ABHD13: variants seen among roughly 807,000 people sequenced by gnomAD.
ABHD13 encodes protein ABHD13.
ABHD13 carries 7 observed loss-of-function variants against 25.2 expected under a neutral mutation model. That is an observed-to-expected ratio of 0.28 (90% CI 0.16 to 0.52). The LOEUF is 0.52. Ranked by LOEUF, ABHD13 falls within the 20% of genes least tolerant of loss-of-function variation. The pLI is 0.96. For synonymous variants in ABHD13, 133 were observed against 136.1 expected (o/e 0.98, Z 0.16); for missense variants, 302 against 402.7 (o/e 0.75, Z 2.14).
rs932374947 is a variant in ABHD13, at chr13:108,232,124, T to C, written c.*1892T>C. On this transcript the variant is annotated 3_prime_UTR_variant, in exon 2 of 2. Coordinates refer to ENST00000375898, the MANE Select transcript of ABHD13 (RefSeq NM_032859.3). Reference sequence around the variant, plus strand: ...TTAAAGTTTACAAAAAAAAACCTTATGTTTTTATGTAATCAGTCATTACAC... The same window carrying C: ...TTAAAGTTTACAAAAAAAAACCTTACGTTTTTATGTAATCAGTCATTACAC... 1 of 166,572 alleles carries C rather than the reference T, an allele frequency of 6.0e-6. No homozygotes were observed. The highest frequency in any genetic ancestry group is 1.5e-5 in the Non-Finnish European group (1 of 68,012). The allele number at this position is 166,572 out of a possible 1,614,324, so 10.3% of individuals were successfully genotyped here.
rs760309101 is a variant in ABHD13, at chr13:108,229,925, G to A, written c.707G>A (p.Arg236His). The change falls in exon 2 of 2, where the codon CGT becomes CAT. Residue 236 changes from arginine (R) to histidine (H), a missense_variant. By Grantham distance (29) the Arg-to-His change is conservative. Coordinates refer to ENST00000375898, the MANE Select transcript of ABHD13 (RefSeq NM_032859.3). This position sits in a 1 kb window ranked among gnomAD's most constrained non-coding sequence, Gnocchi z 4.7. Reference protein sequence around the residue: ...ASTLFSFFPMRYLPLWCYKNK... With the variant: ...ASTLFSFFPMHYLPLWCYKNK... ...ACTTTATTTTCATTCTTTCCGATGC[G>A]TTACCTTCCTTTATGGTGCTACAAA... is the stretch of plus-strand genomic sequence containing the variant. 33 of 1,613,056 alleles carry A rather than the reference G, an allele frequency of 2.0e-5. No individual in the cohort carries two copies. Among genetic ancestry groups the A allele is most frequent in the African/African-American group, 5.3e-5 (4 of 74,828 alleles).
At position 108,230,440 on chromosome 13, in the gene ABHD13, T is replaced by C. The variant is rs898528734; in HGVS notation, c.*208T>C. 2.0e-6 allele frequency: 1 copy of C among 503,758 alleles called. No individual in the cohort carries two copies. The highest frequency in any genetic ancestry group is 3.6e-6 in the Non-Finnish European group (1 of 277,540). The allele number at this position is 503,758 out of a possible 1,614,324, so 31.2% of individuals were successfully genotyped here. On this transcript the variant is annotated 3_prime_UTR_variant, in exon 2 of 2. Transcript: ENST00000375898. The stretch of plus-strand genomic sequence containing the variant: ...TCTTTCATACATTTTCATCAAAACT[T>C]TCAGTGTGATTATGTATTCATATCT...
At chr13:108,224,525 A>G (rs1879634196) in intron 1 of ABHD13, among the ~76,000 whole-genome samples, 1 of 152,218 alleles carries the variant, frequency 6.6e-6, no homozygotes, top group Non-Finnish European at 1.5e-5. Context: ...TTTAAATGAA[A>G]TATTTTTCCT....
intron 1 of ABHD13, among the ~76,000 whole-genome samples, chr13:108,226,606 A>T (rs190738749): frequency 4.3e-4 from 65 of 152,290 alleles, no homozygotes; most frequent in African/African-American, 1.5e-3. Flanking sequence ...TAATTTATTG[A>T]CAAAATCAAT....
chr13:108,230,715 C>T lies in ABHD13; in HGVS notation c.*483C>T, dbSNP rs1039785074. ...TTATTCCTTGAATTATGCAATGCAACATTTTACATGTAAATAGCACTGGTC... is the reference window on the plus strand; with the variant it reads ...TTATTCCTTGAATTATGCAATGCAATATTTTACATGTAAATAGCACTGGTC... On this transcript the variant is annotated 3_prime_UTR_variant, in exon 2 of 2. Coordinates refer to ENST00000375898, the MANE Select transcript of ABHD13 (RefSeq NM_032859.3). The T allele has an allele frequency of 1.2e-5, 2 of 168,976 alleles. No homozygotes were observed. The highest frequency in any genetic ancestry group is 1.3e-4 in the Admixed American group (2 of 15,582). 10.5% of individuals were successfully genotyped at this position (168,976 alleles called of 1,614,324 possible).
intron 1 of ABHD13, among the ~76,000 whole-genome samples, chr13:108,226,615 A>G (rs576810809): frequency 1.4e-4 from 22 of 152,190 alleles, no homozygotes; most frequent in Non-Finnish European, 2.5e-4. Flanking sequence ...GACAAAATCA[A>G]TAGAAAACAT....
In ABHD13 at chr13:108,231,388, GT is replaced by G. The variant is rs1879801348; in HGVS notation, c.*1160del. Reference sequence around the variant, plus strand: ...GAAGTCTTATTTATTGATTTTAAAAGTTTTACATGTAGGAGTGTGGGAATGA... The same window carrying G: ...GAAGTCTTATTTATTGATTTTAAAAGTTTACATGTAGGAGTGTGGGAATGA... On this transcript the variant is annotated 3_prime_UTR_variant, in exon 2 of 2. Transcript: ENST00000375898. 1 of 166,580 alleles carries G rather than the reference GT, an allele frequency of 6.0e-6. No homozygotes were observed. The allele number at this position is 166,580 out of a possible 1,614,324, so 10.3% of individuals were successfully genotyped here.
Position 108,230,633 on chromosome 13 carries a change from T to G in ABHD13, c.*401T>G, listed in dbSNP as rs530075512. On this transcript the variant is annotated 3_prime_UTR_variant, in exon 2 of 2. Coordinates refer to ENST00000375898, the MANE Select transcript of ABHD13 (RefSeq NM_032859.3). ...ATTGGGACAATCATGGTAAGCAAAC[T>G]TAGTTCTGTAACTGCATTTTTCACC... The G allele has an allele frequency of 5.8e-6, 1 of 172,394 alleles. No individual in the cohort carries two copies. The highest frequency in any genetic ancestry group is 6.2e-5 in the Admixed American group (1 of 16,046). 10.7% of individuals were successfully genotyped at this position (172,394 alleles called of 1,614,324 possible).
chr13:108,221,842 CTT>C (rs36025260), intron 1 of ABHD13, among the ~76,000 whole-genome samples: 11 of 144,914 alleles, frequency 7.6e-5, no homozygotes, highest in African/African-American at 7.6e-5. Flanking sequence ...ACAATGTACA[CTT>C]TTTTTTTTTT....
rs1342108507 is a variant in ABHD13 at position 108,232,020 on chromosome 13, A to C, written c.*1788A>C. 2 of 166,772 alleles carry C rather than the reference A, an allele frequency of 1.2e-5. No homozygotes were observed. Among genetic ancestry groups the C allele is most frequent in the Non-Finnish European group, 1.5e-5 (1 of 67,980 alleles). The allele number at this position is 166,772 out of a possible 1,614,324, so 10.3% of individuals were successfully genotyped here. On this transcript the variant is annotated 3_prime_UTR_variant, in exon 2 of 2. Transcript: ENST00000375898. Reference sequence around the variant, plus strand: ...ATGTAGAATGACTATTCTAAATATTAATGTATTAAAAAGAAAATACAACAA... The same window carrying C: ...ATGTAGAATGACTATTCTAAATATTCATGTATTAAAAAGAAAATACAACAA...
intron 1 of ABHD13, among the ~76,000 whole-genome samples, chr13:108,222,627 G>A (rs1290186801): frequency 6.6e-6 from 1 of 151,898 alleles, no homozygotes; most frequent in Non-Finnish European, 1.5e-5. Flanking sequence ...TATTTATTGT[G>A]TTAGAAATTA....
At chr13:108,224,633 A>G (rs530143444) in intron 1 of ABHD13, among the ~76,000 whole-genome samples, 4 of 152,310 alleles carry the variant, frequency 2.6e-5, no homozygotes, top group Non-Finnish European at 5.9e-5. Context: ...CTGACTTACC[A>G]TCCAGCTAAC....
intron 1 of ABHD13, among the ~76,000 whole-genome samples, chr13:108,222,439 A>T (rs1151405): frequency 0.66 from 99,608 of 151,910 alleles, 33,881 homozygotes; most frequent in African/African-American, 0.81. Flanking sequence ...AGGATTTAAA[A>T]AAATGTAATA....
intron 1 of ABHD13, among the ~76,000 whole-genome samples, chr13:108,224,747 G>A (rs1053189088): frequency 6.6e-6 from 1 of 152,118 alleles, no homozygotes; most frequent in African/African-American, 2.4e-5. Flanking sequence ...TAAATTTAGA[G>A]ACAGTAAGTA....
intron 1 of ABHD13, among the ~76,000 whole-genome samples, chr13:108,227,393 A>G (rs1352356587): frequency 1.3e-5 from 2 of 152,056 alleles, no homozygotes; most frequent in South Asian, 2.1e-4. Context: ...GAGATATACA[A>G]TTCCTAGTCT....
rs1879616068 is a variant in ABHD13, at chr13:108,223,788, C to A, written c.-21+5129C>A. Among the ~76,000 whole-genome samples the A allele has an allele frequency of 2.6e-5, 4 of 152,312 alleles. No homozygotes were observed. The South Asian group carries it at 6.2e-4, about 24-fold the overall frequency. ...CAGGTTTCTGACCACCTTTTGAGAA[C>A]CACTGGCATAGAAAGATCTCAGATT... On this transcript the variant is annotated intron_variant, in intron 1 of 1. Transcript: ENST00000375898.
At chr13:108,220,166 CCAT>C (rs1879530928) in intron 1 of ABHD13, among the ~76,000 whole-genome samples, 1 of 152,170 alleles carries the variant, frequency 6.6e-6, no homozygotes, top group Non-Finnish European at 1.5e-5. Context: ...TCTTAACAGA[CCAT>C]GACTCAAAAC....
At chr13:108,227,547 T>A (rs950384953) in intron 1 of ABHD13, among the ~76,000 whole-genome samples, 15 of 152,060 alleles carry the variant, frequency 9.9e-5, no homozygotes, top group African/African-American at 3.6e-4. Context: ...AAAATATGCC[T>A]TATTCGTGTA....
rs199907641 is a variant in ABHD13, at chr13:108,229,851, A to C, written c.633A>C (p.Ser211=). The change falls in exon 2 of 2, where the codon TCA becomes TCC. Residue 211 remains serine (S), a synonymous_variant. Coordinates refer to ENST00000375898, the MANE Select transcript of ABHD13 (RefSeq NM_032859.3). This position sits in a 1 kb window ranked among gnomAD's most constrained non-coding sequence, Gnocchi z 4.7. The part of the protein sequence containing the change: ...HLASENSHRI[S]AIMVENTFLS... ...CTTCTGAAAATTCACATAGGATTTC[A>C]GCCATTATGGTGGAGAACACATTTT... 6.2e-7 allele frequency: 1 copy of C among 1,613,452 alleles called. No homozygotes were observed. Among genetic ancestry groups the C allele is most frequent in the African/African-American group, 1.3e-5 (1 of 75,008 alleles).
Sources: allele counts gnomAD v4.1 joint callset (sites outside exome capture counted in the v4.1 genomes callset), GRCh38; gene constraint gnomAD v4.1.1; non-coding constraint Gnocchi (gnomAD v3.1); transcripts MANE v1.5; gene names NCBI Gene and HGNC (gene_info 2026-07-23, HGNC 2026-07-21).